Variants in NUDCD2 observed in about 807,000 individuals in gnomAD.
NUDCD2 encodes the protein nudC domain-containing protein 2.
NUDCD2 carries 16 observed loss-of-function variants against 20.8 expected under a neutral mutation model. That is an observed-to-expected ratio of 0.77 (90% CI 0.52 to 1.17). The LOEUF (loss-of-function observed/expected upper bound fraction) is 1.17. NUDCD2 is among the 50% of genes most tolerant of loss of function. The probability of loss-of-function intolerance (pLI) is 0.00; values close to 1 mark genes in which losing one functional copy is unlikely to be tolerated. For missense variants in NUDCD2, 199 were observed against 193.9 expected (o/e 1.03, Z -0.16); for synonymous variants, 87 against 72.8 (o/e 1.20, Z -1.00).
chr5:163,454,884 C>T (rs907442890), intron 3 of NUDCD2, among the ~76,000 whole-genome samples: 10 of 152,132 alleles, frequency 6.6e-5, no homozygotes, highest in African/African-American at 2.4e-4. Context: ...TGGAACTTAA[C>T]ATTCTAGCAG....
In NUDCD2 at chr5:163,448,114, A is replaced by G. The variant is rs1319010978; in HGVS notation, c.*5853T>C. 2 of 151,940 alleles carry G rather than the reference A, an allele frequency of 1.3e-5. No individual in the cohort carries two copies. The highest frequency in any genetic ancestry group is 2.9e-5 in the Non-Finnish European group (2 of 67,998). The allele number at this position is 151,940 out of a possible 1,614,324, so 9.4% of individuals were successfully genotyped here. A position where few individuals can be genotyped will look rare whatever the true frequency, so the allele number is the denominator to read the frequency against. ...TTTGAGGCTGCAGTGAGCTATGATC[A>G]TAACACTACTCCAGTCTGGGTGATG... On this transcript the variant is annotated 3_prime_UTR_variant, in exon 4 of 4. Coordinates refer to ENST00000302764, the MANE Select transcript of NUDCD2 (RefSeq NM_145266.6).
chr5:163,451,450 C>G lies in NUDCD2; in HGVS notation c.*2517G>C, dbSNP rs752870325. On this transcript the variant is annotated 3_prime_UTR_variant, in exon 4 of 4. Transcript: ENST00000302764. The stretch of plus-strand genomic sequence containing the variant: ...TTTACGGTGATTGAACTCTTCAATA[C>G]TCTGACTGTGGAGGTGTTTACACAT... The G allele has an allele frequency of 1.3e-5, 2 of 152,102 alleles. No individual in the cohort carries two copies. The highest frequency in any genetic ancestry group is 2.4e-5 in the African/African-American group (1 of 41,408). 9.4% of individuals were successfully genotyped at this position (152,102 alleles called of 1,614,324 possible).
intron 3 of NUDCD2, 69 bp downstream of exon 3, chr5:163,456,860 A>T: frequency 1.8e-6 from 2 of 1,083,038 alleles, no homozygotes; most frequent in South Asian, 5.6e-5. Flanking sequence ...TTGAGTTTTA[A>T]TTTCAAATAT....
At chr5:163,459,446 T>A (rs369622298) in intron 1 of NUDCD2, 1 of 152,334 alleles carries the variant, frequency 6.6e-6, no homozygotes, top group East Asian at 1.9e-4. Flanking sequence ...CCCTATTTTC[T>A]TTGTTGTCCT....
At chr5:163,456,633 C>G (rs1404485213) in intron 3 of NUDCD2, among the ~76,000 whole-genome samples, 1 of 152,090 alleles carries the variant, frequency 6.6e-6, no homozygotes, top group Non-Finnish European at 1.5e-5. Context: ...ACTTTTTACA[C>G]TAGGTAAGTC....
At position 163,453,387 on chromosome 5, in the gene NUDCD2, G is replaced by A. The variant is rs1355863983; in HGVS notation, c.*580C>T. 5 of 152,092 alleles carry A rather than the reference G, an allele frequency of 3.3e-5. No homozygotes were observed. The highest frequency in any genetic ancestry group is 1.2e-4 in the African/African-American group (5 of 41,416). 9.4% of individuals were successfully genotyped at this position (152,092 alleles called of 1,614,324 possible). ...TCTTTTGTGTTAATCCACTTCTATT[G>A]TTAGGGTTTTAACTATTTTTAAACT... is the stretch of plus-strand genomic sequence containing the variant. On this transcript the variant is annotated 3_prime_UTR_variant, in exon 4 of 4. Transcript: ENST00000302764.
At position 163,453,953 on chromosome 5, in the gene NUDCD2, A is replaced by G. The variant is rs769176327; in HGVS notation, c.*14T>C. 3.4e-6 allele frequency: 5 copies of G among 1,449,396 alleles called. No homozygotes were observed. Among genetic ancestry groups the G allele is most frequent in the Non-Finnish European group, 3.7e-6 (4 of 1,068,018 alleles). The allele number at this position is 1,449,396 out of a possible 1,614,324, so 89.8% of individuals were successfully genotyped here. On this transcript the variant is annotated 3_prime_UTR_variant, in exon 4 of 4. Coordinates refer to ENST00000302764, the MANE Select transcript of NUDCD2 (RefSeq NM_145266.6). ...ATATCTGCTAGGATCCACAGAATGC[A>G]GGAAAAAAAGCAGTTATTTCTCAAG...
At chr5:163,457,438 T>C (rs528044255) in intron 2 of NUDCD2, 124 bp downstream of exon 2, 1 of 679,476 alleles carries the variant, frequency 1.5e-6, no homozygotes, top group South Asian at 1.9e-5. Context: ...ATACAACGGT[T>C]TTCAACACAT....
intron 2 of NUDCD2, 114 bp from the exon 3 acceptor site, chr5:163,457,194 T>G: frequency 2.7e-6 from 3 of 1,117,498 alleles, no homozygotes; most frequent in Non-Finnish European, 3.7e-6. Context: ...TGCAGCGGCT[T>G]GATCTCGGCT....
Position 163,450,926 on chromosome 5 carries a change from G to C in NUDCD2, c.*3041C>G, listed in dbSNP as rs1413404065. On this transcript the variant is annotated 3_prime_UTR_variant, in exon 4 of 4. Coordinates refer to ENST00000302764, the MANE Select transcript of NUDCD2 (RefSeq NM_145266.6). Reference sequence around the variant, plus strand: ...TCCAACTTACAAATGTATAAACAAAGTGCTACAGCCATACAATGAAGTATT... The same window carrying C: ...TCCAACTTACAAATGTATAAACAAACTGCTACAGCCATACAATGAAGTATT... 1.3e-5 allele frequency: 2 copies of C among 152,222 alleles called. No individual in the cohort carries two copies. Among genetic ancestry groups the C allele is most frequent in the Non-Finnish European group, 2.9e-5 (2 of 68,038 alleles). The allele number at this position is 152,222 out of a possible 1,614,324, so 9.4% of individuals were successfully genotyped here. A position where few individuals can be genotyped will look rare whatever the true frequency, so the allele number is the denominator to read the frequency against.
Position 163,447,253 on chromosome 5 carries a change from A to G in NUDCD2, c.*6714T>C. ...GATTGCTTGAGGCCAAGAGTTCAAG[A>G]CCAGCCTACTCAACATAGGGAGACC... On this transcript the variant is annotated 3_prime_UTR_variant, in exon 4 of 4. Coordinates refer to ENST00000302764, the MANE Select transcript of NUDCD2 (RefSeq NM_145266.6). 6.5e-6 allele frequency: 1 copy of G among 152,834 alleles called. No individual in the cohort carries two copies. The highest frequency in any genetic ancestry group is 1.5e-5 in the Non-Finnish European group (1 of 68,102). The allele number at this position is 152,834 out of a possible 1,614,324, so 9.5% of individuals were successfully genotyped here. A position where few individuals can be genotyped will look rare whatever the true frequency, so the allele number is the denominator to read the frequency against.
In NUDCD2 at chr5:163,460,077, C is replaced by T. The variant is rs772366099; in HGVS notation, c.-27G>A. On this transcript the variant is annotated 5_prime_UTR_variant, in exon 1 of 4. Coordinates refer to ENST00000302764, the MANE Select transcript of NUDCD2 (RefSeq NM_145266.6). ...ATCCAGTCCCTCCCGGCCGCGGCCG[C>T]ACCAGGCGGAGCCGAGCGCACGCGC... is the stretch of plus-strand genomic sequence containing the variant. The T allele has an allele frequency of 1.3e-6, 2 of 1,522,838 alleles. No individual in the cohort carries two copies. The highest frequency in any genetic ancestry group is 2.4e-5 in the East Asian group (1 of 41,740). The allele number at this position is 1,522,838 out of a possible 1,614,324, so 94.3% of individuals were successfully genotyped here.
chr5:163,458,343 T>TA (rs981851912), intron 1 of NUDCD2, among the ~76,000 whole-genome samples: 1 of 152,098 alleles, frequency 6.6e-6, no homozygotes, highest in South Asian at 2.1e-4. Flanking sequence ...CAATCGGCAT[T>TA]AAAAAAACTT....
chr5:163,456,095 C>T (rs542452741), intron 3 of NUDCD2, among the ~76,000 whole-genome samples: 28 of 152,168 alleles, frequency 1.8e-4, no homozygotes, highest in Non-Finnish European at 3.4e-4. Flanking sequence ...ACATGTTGAG[C>T]TTAATATACA....
chr5:163,457,136 G>GTTT (rs1300902189), intron 2 of NUDCD2, 56 bp from the exon 3 acceptor site: 10 of 1,372,652 alleles, frequency 7.3e-6, no homozygotes, highest in East Asian at 2.7e-5. Context: ...TCTTCATCAA[G>GTTT]TTGTTTTTTT....
Position 163,450,255 on chromosome 5 carries a change from T to C in NUDCD2, c.*3712A>G, listed in dbSNP as rs1424416542. On this transcript the variant is annotated 3_prime_UTR_variant, in exon 4 of 4. Coordinates refer to ENST00000302764, the MANE Select transcript of NUDCD2 (RefSeq NM_145266.6). ...CAGCCTGGGTGACAGAGTGAGAATG[T>C]GAGTCAAAAAAAGAAAAAAGAAAAA... 3 of 152,062 alleles carry C rather than the reference T, an allele frequency of 2.0e-5. No individual in the cohort carries two copies. Among genetic ancestry groups the C allele is most frequent in the Non-Finnish European group, 2.9e-5 (2 of 68,022 alleles). The allele number at this position is 152,062 out of a possible 1,614,324, so 9.4% of individuals were successfully genotyped here.
At position 163,449,691 on chromosome 5, in the gene NUDCD2, A is replaced by C. The variant is rs1355054476; in HGVS notation, c.*4276T>G. The C allele has an allele frequency of 6.6e-6, 1 of 152,226 alleles. No individual in the cohort carries two copies. Among genetic ancestry groups the C allele is most frequent in the Non-Finnish European group, 1.5e-5 (1 of 68,024 alleles). The allele number at this position is 152,226 out of a possible 1,614,324, so 9.4% of individuals were successfully genotyped here. A position where few individuals can be genotyped will look rare whatever the true frequency, so the allele number is the denominator to read the frequency against. On this transcript the variant is annotated 3_prime_UTR_variant, in exon 4 of 4. Coordinates refer to ENST00000302764, the MANE Select transcript of NUDCD2 (RefSeq NM_145266.6). ...GACTTACTATAAAGCTGTGATAATC[A>C]AGGCAATCTGGTATTTATGAAAGGA...
Position 163,450,713 on chromosome 5 carries a change from G to A in NUDCD2, c.*3254C>T, listed in dbSNP as rs1283741922. The A allele has an allele frequency of 6.6e-6, 1 of 152,228 alleles. No individual in the cohort carries two copies. The highest frequency in any genetic ancestry group is 1.9e-4 in the East Asian group (1 of 5,202). 9.4% of individuals were successfully genotyped at this position (152,228 alleles called of 1,614,324 possible). ...AAAATGGAACCTGCATACACTGCTGGTGGGAAAGTAAAAAGATGTAGCTGC... is the reference window on the plus strand; with the variant it reads ...AAAATGGAACCTGCATACACTGCTGATGGGAAAGTAAAAAGATGTAGCTGC... On this transcript the variant is annotated 3_prime_UTR_variant, in exon 4 of 4. Transcript: ENST00000302764.
rs1221009322 is a variant in NUDCD2 at position 163,449,034 on chromosome 5, G to C, written c.*4933C>G. 1.3e-5 allele frequency: 2 copies of C among 152,118 alleles called. No individual in the cohort carries two copies. Among genetic ancestry groups the C allele is most frequent in the African/African-American group, 4.8e-5 (2 of 41,382 alleles). 9.4% of individuals were successfully genotyped at this position (152,118 alleles called of 1,614,324 possible). A position where few individuals can be genotyped will look rare whatever the true frequency, so the allele number is the denominator to read the frequency against. ...AATGCTTTCAAAATCCTAAGATCCA[G>C]AACAAGACTGAGATGGCCACTTTCT... On this transcript the variant is annotated 3_prime_UTR_variant, in exon 4 of 4. Transcript: ENST00000302764.
Sources: gnomAD v4.1 joint callset for allele counts (sites outside exome capture counted in the v4.1 genomes callset) on GRCh38, gnomAD v4.1.1 for gene constraint, MANE v1.5 for transcripts, NCBI Gene and HGNC (gene_info 2026-07-23, HGNC 2026-07-21) for gene names.